Variants in RORA observed in about 807,000 individuals in gnomAD.
RORA encodes the protein nuclear receptor ROR-alpha.
RORA carries 7 observed loss-of-function variants against 69.5 expected under a neutral mutation model. The observed-to-expected ratio is 0.10, with a 90% CI of 0.06 to 0.19. The LOEUF is 0.19. Ranked by LOEUF, RORA falls within the 10% of genes least tolerant of loss-of-function variation. RORA has a pLI of 1.00. For synonymous variants in RORA, 261 were observed against 240.8 expected, an observed-to-expected ratio of 1.08 and a Z score of -0.78; for missense variants, 457 against 663.0, an observed-to-expected ratio of 0.69 and a Z score of 3.41.
intron 5 of RORA, among the ~76,000 whole-genome samples, chr15:60,508,032 T>TC (rs567094059): frequency 2.4e-3 from 363 of 152,366 alleles, no homozygotes; most frequent in African/African-American, 8.2e-3. Context: ...CAACAGCCTT[T>TC]CATTCCAATT....
chr15:60,492,402 C>T lies in RORA; in HGVS notation c.*5053G>A, dbSNP rs1248792727. ...TCTTTAAACATTAGCTCTTGTAATG[C>T]ATCAGATATAAACTACACATGTAGA... On this transcript the variant is annotated 3_prime_UTR_variant, in exon 11 of 11. Coordinates refer to ENST00000335670, the MANE Select transcript of RORA (RefSeq NM_134261.3). 6.6e-6 allele frequency: 1 copy of T among 152,124 alleles called. No homozygotes were observed. The highest frequency in any genetic ancestry group is 2.4e-5 in the African/African-American group (1 of 41,444). The allele number at this position is 152,124 out of a possible 1,614,324, so 9.4% of individuals were successfully genotyped here.
chr15:60,767,093 C>T (rs1192657384), intron 1 of RORA, among the ~76,000 whole-genome samples: 4 of 152,184 alleles, frequency 2.6e-5, no homozygotes, highest in Admixed American at 2.6e-4. Context: ...GGAAATTTCA[C>T]TTAGAAATCT....
intron 2 of RORA, among the ~76,000 whole-genome samples, chr15:60,677,569 T>A (rs1490167561): frequency 6.7e-6 from 1 of 149,344 alleles, no homozygotes; most frequent in Non-Finnish European, 1.5e-5. Flanking sequence ...TTTGACGTTT[T>A]TTGGTTTTTT....
chr15:60,736,492 A>G (rs1450951955), intron 1 of RORA, among the ~76,000 whole-genome samples: 1 of 152,168 alleles, frequency 6.6e-6, no homozygotes, highest in Admixed American at 6.5e-5. Flanking sequence ...TTGTCCTCTC[A>G]GTTCATGAAC....
chr15:60,728,127 C>T (rs2071385599), intron 1 of RORA, among the ~76,000 whole-genome samples: 1 of 152,202 alleles, frequency 6.6e-6, no homozygotes, highest in Non-Finnish European at 1.5e-5. Context: ...GAAAACCTTA[C>T]TTCTACTTCC....
At chr15:60,870,329 G>A (rs1291022205) in intron 1 of RORA, among the ~76,000 whole-genome samples, 2 of 152,180 alleles carry the variant, frequency 1.3e-5, no homozygotes, top group African/African-American at 4.8e-5. Flanking sequence ...TACATGACCA[G>A]AGAGTGAAAA....
At chr15:60,764,613 G>T (rs1679634851) in intron 1 of RORA, 1 of 152,102 alleles carries the variant, frequency 6.6e-6, no homozygotes, top group South Asian at 2.1e-4. Flanking sequence ...TGCACTGTCT[G>T]CATGGAAACC....
chr15:60,521,343 G>A (rs1238774466), intron 3 of RORA, among the ~76,000 whole-genome samples: 1 of 151,576 alleles, frequency 6.6e-6, no homozygotes, highest in Non-Finnish European at 1.5e-5. Context: ...CTGGGTTCAA[G>A]TGATTCTCCT....
chr15:60,585,691 A>G (rs1389708422), intron 2 of RORA, among the ~76,000 whole-genome samples: 2 of 152,230 alleles, frequency 1.3e-5, no homozygotes. Context: ...CTCACAAACC[A>G]AATTTCACTT....
chr15:60,732,639 TTCTC>T (rs111468392), intron 1 of RORA, among the ~76,000 whole-genome samples: 5 of 151,202 alleles, frequency 3.3e-5, no homozygotes, highest in South Asian at 2.1e-4. Flanking sequence ...ATCATTCTCA[TTCTC>T]TCTCTCTCTC....
intron 2 of RORA, chr15:60,556,766 C>T: frequency 1.0e-6 from 1 of 958,556 alleles, no homozygotes; most frequent in Non-Finnish European, 1.6e-6. Flanking sequence ...CTGCGGGAGG[C>T]TCCATCTTTG....
At chr15:60,764,145 G>A (rs1243888026) in intron 1 of RORA, 1 of 152,192 alleles carries the variant, frequency 6.6e-6, no homozygotes, top group African/African-American at 2.4e-5. Flanking sequence ...TTGGCCCATG[G>A]AAGTTTCCCT....
At chr15:61,076,919 C>G (rs1027663626) in intron 1 of RORA, among the ~76,000 whole-genome samples, 13 of 150,006 alleles carry the variant, frequency 8.7e-5, no homozygotes, top group African/African-American at 3.2e-4. Flanking sequence ...TACCCCCTCT[C>G]CCTTGCTTGT....
At chr15:60,820,043 T>C (rs959581090) in intron 1 of RORA, among the ~76,000 whole-genome samples, 2 of 152,236 alleles carry the variant, frequency 1.3e-5, no homozygotes, top group South Asian at 2.1e-4. Flanking sequence ...CTAAAAGTGT[T>C]CATGCGTGTG....
At position 60,947,109 on chromosome 15, in the gene RORA, G is replaced by C. The variant is rs1892912200; in HGVS notation, c.167-268423C>G. On this transcript the variant is annotated intron_variant, in intron 1 of 10. Coordinates refer to ENST00000335670, the MANE Select transcript of RORA (RefSeq NM_134261.3). ...GCCAGCCGCCCTGTCCGGGAGGGAG[G>C]TGGGGGGGTCAGCCCCCACCCGGCC... is the stretch of plus-strand genomic sequence containing the variant. Among the ~76,000 whole-genome samples, 6 of 148,062 alleles carry C rather than the reference G, an allele frequency of 4.1e-5. No individual in the cohort carries two copies. The South Asian group carries it at 1.1e-3, about 27-fold the overall frequency.
At chr15:60,986,866 G>T (rs1161609764) in intron 1 of RORA, among the ~76,000 whole-genome samples, 1 of 152,126 alleles carries the variant, frequency 6.6e-6, no homozygotes, top group Non-Finnish European at 1.5e-5. Context: ...CAGTTTAGGG[G>T]GAGACAGAAC....
intron 1 of RORA, among the ~76,000 whole-genome samples, chr15:60,962,149 T>C (rs1237896337): frequency 6.6e-6 from 1 of 152,222 alleles, no homozygotes; most frequent in Non-Finnish European, 1.5e-5. Flanking sequence ...TCTTCTTCAA[T>C]GCCTTCAATT....
At chr15:60,554,062 C>T (rs996836411) in intron 2 of RORA, among the ~76,000 whole-genome samples, 1 of 152,100 alleles carries the variant, frequency 6.6e-6, no homozygotes, top group Admixed American at 6.5e-5. Context: ...TGAATATAAG[C>T]GGGTAGAGGA....
intron 1 of RORA, among the ~76,000 whole-genome samples, chr15:60,740,777 C>G (rs1262303696): frequency 6.6e-6 from 1 of 152,172 alleles, no homozygotes. Flanking sequence ...TTTAACTGTT[C>G]TGCTCTTCAT....
Sources: allele counts gnomAD v4.1 joint callset (sites outside exome capture counted in the v4.1 genomes callset), GRCh38; gene constraint gnomAD v4.1.1; transcripts MANE v1.5; gene names NCBI Gene and HGNC (gene_info 2026-07-23, HGNC 2026-07-21).